The following LAMTOR4 variants were observed in gnomAD, a reference collection of about 807,000 sequenced individuals.
The protein encoded by LAMTOR4 is late endosomal/lysosomal adaptor, MAPK and MTOR activator 4.
Under a neutral mutation model 13.5 loss-of-function variants are expected in LAMTOR4, and 11 were observed. The observed-to-expected ratio is 0.82, with a 90% CI of 0.51 to 1.35. The LOEUF is 1.35. Ranked by LOEUF, LAMTOR4 falls within the 40% of genes most tolerant of loss-of-function variation. The probability of loss-of-function intolerance (pLI) is 0.00; values close to 1 mark genes in which losing one functional copy is unlikely to be tolerated. For synonymous variants in LAMTOR4, 69 were observed against 52.3 expected (o/e 1.32, Z -1.38); for missense variants, 128 against 126.2 (o/e 1.01, Z -0.07).
At chr7:100,151,681 C>T (rs1584611276) in intron 2 of LAMTOR4, among the ~76,000 whole-genome samples, 2 of 151,584 alleles carry the variant, frequency 1.3e-5, no homozygotes, top group African/African-American at 4.8e-5. Flanking sequence ...AGCCACAGCA[C>T]CCCGTCCTGT....
At position 100,153,708 on chromosome 7, in the gene LAMTOR4, C is replaced by T. The variant is rs1017420228; in HGVS notation, c.203-159C>T. 11 of 745,448 alleles carry T rather than the reference C, an allele frequency of 1.5e-5. No homozygotes were observed. The African/African-American group carries it at 1.9e-4, about 13-fold the overall frequency. The allele number at this position is 745,448 out of a possible 1,614,324, so 46.2% of individuals were successfully genotyped here. ...CAAGAGAAAGGAGATCTAGCAGAGG[C>T]CACTCATCTTCAAATCTCTGAGCCT... On this transcript the variant is annotated intron_variant, in intron 3 of 3. Coordinates refer to ENST00000341942, the MANE Select transcript of LAMTOR4 (RefSeq NM_001008395.4).
At chr7:100,153,563 G>T (rs760110999) in intron 3 of LAMTOR4, 46 bp downstream of exon 3, 8 of 1,506,504 alleles carry the variant, frequency 5.3e-6, no homozygotes, top group Non-Finnish European at 7.3e-6. Flanking sequence ...GGAGCGGGGG[G>T]CTACTTCCAG....
intron 3 of LAMTOR4, 60 bp from the exon 4 acceptor site, chr7:100,153,807 C>A: frequency 8.2e-7 from 1 of 1,220,536 alleles, no homozygotes; most frequent in Non-Finnish European, 1.2e-6. Context: ...TCTGTTGCAC[C>A]CACTAACTCT....
intron 2 of LAMTOR4, 28 bp downstream of exon 2, chr7:100,149,607 C>T (rs981470752): frequency 1.9e-6 from 3 of 1,565,152 alleles, no homozygotes; most frequent in South Asian, 1.1e-5. Context: ...GAGGGGGTCC[C>T]TTAGTGCACA....
intron 2 of LAMTOR4, among the ~76,000 whole-genome samples, chr7:100,150,933 T>G (rs973289119): frequency 7.4e-6 from 1 of 134,680 alleles, no homozygotes; most frequent in Non-Finnish European, 1.6e-5. Context: ...AGGTTGCAGT[T>G]AGCCGAGATC....
chr7:100,150,214 C>T lies in LAMTOR4; in HGVS notation c.84+635C>T, dbSNP rs188428773. 6.6e-4 allele frequency among the ~76,000 whole-genome samples: 101 copies of T among 152,234 alleles called. 1 individual carries two copies. Among genetic ancestry groups the T allele is most frequent in the African/African-American group, 2.3e-3 (95 of 41,528 alleles). ...CTTAAAGAGGCATTTGTATTTTGTT[C>T]CATAGTACTGTATAGTGTTAAGTCT... On this transcript the variant is annotated intron_variant, in intron 2 of 3. Coordinates refer to ENST00000341942, the MANE Select transcript of LAMTOR4 (RefSeq NM_001008395.4).
At chr7:100,152,784 G>A (rs1798744355) in intron 2 of LAMTOR4, 1 of 152,584 alleles carries the variant, frequency 6.6e-6, no homozygotes, top group African/African-American at 2.4e-5. Flanking sequence ...CATTCATTTT[G>A]GAGAATGTGG....
At position 100,153,942 on chromosome 7, in the gene LAMTOR4, G is replaced by A. The variant is rs1483607159; in HGVS notation, c.278G>A (p.Gly93Asp). Residue 93 changes from glycine (G) to aspartate (D), a missense_variant, in exon 4 of 4, where the codon GGT becomes GAT. Coordinates refer to ENST00000341942, the MANE Select transcript of LAMTOR4 (RefSeq NM_001008395.4). ...TTTGTGGTGAAGAGGCAGAACCGAGGTCGGGAGCCCATTGATGTCTGAGCC... is the reference window on the plus strand; with the variant it reads ...TTTGTGGTGAAGAGGCAGAACCGAGATCGGGAGCCCATTGATGTCTGAGCC... Reference protein sequence around the residue: ...RVFVVKRQNRGREPIDV With the variant: ...RVFVVKRQNRDREPIDV 9 of 1,590,996 alleles carry A rather than the reference G, an allele frequency of 5.7e-6. No individual in the cohort carries two copies. In the Admixed American group the frequency reaches 1.3e-4, roughly 22 times the overall value.
chr7:100,153,439 G>T lies in LAMTOR4; in HGVS notation c.124G>T (p.Ala42Ser). ...GGAGAATGATGAGCAGGCAGCCAGT[G>T]CCATCTCTGAGCTGGTCAGCACAGC... is the stretch of plus-strand genomic sequence containing the variant. ...DLENDEQAAS[A>S]ISELVSTACG... Residue 42 changes from alanine (A) to serine (S), a missense_variant, in exon 3 of 4, where the codon GCC becomes TCC. Transcript: ENST00000341942. 6.2e-7 allele frequency: 1 copy of T among 1,611,302 alleles called. No homozygotes were observed.
chr7:100,148,977 T>G lies in LAMTOR4; in HGVS notation c.3+2T>G, dbSNP rs1798609133. 1 of 1,611,188 alleles carries G rather than the reference T, an allele frequency of 6.2e-7. No homozygotes were observed. The highest frequency in any genetic ancestry group is 8.5e-7 in the Non-Finnish European group (1 of 1,179,532). ...CCCCCAGCACCGAAGACTGCGATGG[T>G]GAGTGAGGACGCATGCGCGAGAGGA... On this transcript the variant is annotated splice_donor_variant, in intron 1 of 3. Coordinates refer to ENST00000341942, the MANE Select transcript of LAMTOR4 (RefSeq NM_001008395.4). LOFTEE classifies it high-confidence loss of function.
intron 2 of LAMTOR4, 50 bp downstream of exon 2, chr7:100,149,629 C>G: frequency 7.2e-7 from 1 of 1,390,940 alleles, no homozygotes; most frequent in Non-Finnish European, 1.0e-6. Flanking sequence ...AGCCCGGTAA[C>G]CCCTTCTAAT....
chr7:100,152,498 TTGAG>T (rs1170589285), intron 2 of LAMTOR4, among the ~76,000 whole-genome samples: 1 of 152,060 alleles, frequency 6.6e-6, no homozygotes, highest in Non-Finnish European at 1.5e-5. Context: ...ACTTTAGACA[TTGAG>T]TTTGATATAA....
chr7:100,151,706 G>GT (rs879896868), intron 2 of LAMTOR4, among the ~76,000 whole-genome samples: 34 of 147,996 alleles, frequency 2.3e-4, no homozygotes, highest in Non-Finnish European at 4.2e-4. Context: ...TTGTTTGTTT[G>GT]TTTTTTTTTA....
intron 3 of LAMTOR4, 111 bp from the exon 4 acceptor site, chr7:100,153,755 CT>C: frequency 1.2e-6 from 1 of 834,872 alleles, no homozygotes. Flanking sequence ...ACTTCTTTGG[CT>C]TTGATCCCAG....
intron 2 of LAMTOR4, among the ~76,000 whole-genome samples, chr7:100,150,881 C>G (rs1016904656): frequency 4.0e-5 from 6 of 151,048 alleles, no homozygotes; most frequent in African/African-American, 1.5e-4. Flanking sequence ...CCCAGCTACT[C>G]GGGAAGCTGA....
intron 2 of LAMTOR4, chr7:100,149,999 A>C (rs1050136946): frequency 6.3e-6 from 1 of 159,602 alleles, no homozygotes; most frequent in South Asian, 1.5e-4. Context: ...CTGGTCTCAA[A>C]CTCCTGACCT....
At chr7:100,153,638 T>A (rs1276240406) in intron 3 of LAMTOR4, 121 bp downstream of exon 3, 2 of 938,996 alleles carry the variant, frequency 2.1e-6, no homozygotes, top group African/African-American at 1.6e-5. Context: ...CTGGCCACTT[T>A]CCTCCCTTTG....
At chr7:100,151,498 C>G (rs1042448444) in intron 2 of LAMTOR4, among the ~76,000 whole-genome samples, 6 of 151,888 alleles carry the variant, frequency 4.0e-5, no homozygotes, top group African/African-American at 1.5e-4. Context: ...ACGCCATTCT[C>G]CTGCCTCAGC....
At chr7:100,149,225 G>T (rs1378576173) in intron 1 of LAMTOR4, 6 of 609,130 alleles carry the variant, frequency 9.9e-6, no homozygotes, top group African/African-American at 7.4e-5. Context: ...GGGTCTGGGG[G>T]CAGGGGCCAG....
Sources: gnomAD v4.1 joint callset for allele counts (sites outside exome capture counted in the v4.1 genomes callset) on GRCh38, gnomAD v4.1.1 for gene constraint, MANE v1.5 for transcripts, NCBI Gene and HGNC (gene_info 2026-07-23, HGNC 2026-07-21) for gene names.